TSPAN12: variants seen among roughly 807,000 people sequenced by gnomAD.
TSPAN12 encodes tetraspanin 12.
In TSPAN12, 19 loss-of-function variants were observed where a neutral mutation model predicts 39.2. The observed-to-expected ratio is 0.49, with a 90% CI of 0.34 to 0.71. TSPAN12 has a LOEUF of 0.71. Among genes scored for constraint, TSPAN12 ranks in the 30% least tolerant of loss-of-function variants. TSPAN12 has a pLI of 0.01. For missense variants in TSPAN12, 314 were observed against 359.9 expected (o/e 0.87, Z 1.03); for synonymous variants, 119 against 124.8 (o/e 0.95, Z 0.31).
At chr7:120,812,893 AC>A (rs1441326670) in intron 5 of TSPAN12, among the ~76,000 whole-genome samples, 1 of 152,216 alleles carries the variant, frequency 6.6e-6, no homozygotes, top group Non-Finnish European at 1.5e-5. Flanking sequence ...TACAAAAAAA[AC>A]CAGAAATAAT....
At chr7:120,825,680 T>A (rs915922585) in intron 4 of TSPAN12, among the ~76,000 whole-genome samples, 1 of 152,234 alleles carries the variant, frequency 6.6e-6, no homozygotes, top group African/African-American at 2.4e-5. Flanking sequence ...AATATTATGT[T>A]ACTTACAGTT....
At chr7:120,846,669 A>G (rs1375554108) in intron 2 of TSPAN12, among the ~76,000 whole-genome samples, 2 of 152,236 alleles carry the variant, frequency 1.3e-5, no homozygotes, top group African/African-American at 4.8e-5. Context: ...TGTTAGGGAT[A>G]CACTGATGAA....
intron 4 of TSPAN12, among the ~76,000 whole-genome samples, chr7:120,823,544 C>G (rs1453617757): frequency 6.6e-6 from 1 of 152,012 alleles, no homozygotes; most frequent in Non-Finnish European, 1.5e-5. Context: ...CCAATCTAAC[C>G]AAAATTATGA....
At chr7:120,800,085 GA>G in intron 7 of TSPAN12, among the ~76,000 whole-genome samples, 1 of 151,838 alleles carries the variant, frequency 6.6e-6, no homozygotes, top group African/African-American at 2.4e-5. Context: ...ATATTGCCCA[GA>G]AAAAATAATA....
chr7:120,811,251 C>CA (rs1202015477), intron 5 of TSPAN12, among the ~76,000 whole-genome samples: 2 of 152,132 alleles, frequency 1.3e-5, no homozygotes, highest in African/African-American at 4.8e-5. Context: ...TAGTTATCTA[C>CA]CCAGAGGAAA....
chr7:120,804,918 A>G (rs1342781027), intron 7 of TSPAN12, among the ~76,000 whole-genome samples: 1 of 152,064 alleles, frequency 6.6e-6, no homozygotes, highest in East Asian at 1.9e-4. Flanking sequence ...TTGTCAGCAC[A>G]CCACCAGAAG....
chr7:120,811,465 G>T (rs549236918), intron 5 of TSPAN12, among the ~76,000 whole-genome samples: 2 of 152,068 alleles, frequency 1.3e-5, no homozygotes, highest in East Asian at 3.9e-4. Context: ...TCAGGAGATC[G>T]AGACCATCCT....
chr7:120,834,481 G>T (rs138673419), intron 4 of TSPAN12, among the ~76,000 whole-genome samples: 177 of 152,234 alleles, frequency 1.2e-3, no homozygotes, highest in African/African-American at 4.1e-3. Flanking sequence ...TGGTTATAAA[G>T]ACCTGTTTTG....
intron 1 of TSPAN12, 106 bp from the exon 2 acceptor site, chr7:120,856,939 A>G (rs1450441488): frequency 1.4e-6 from 1 of 692,346 alleles, no homozygotes; most frequent in East Asian, 2.7e-5. Context: ...GAGGGTCCCG[A>G]GGCCCAGTGC....
intron 7 of TSPAN12, among the ~76,000 whole-genome samples, chr7:120,799,546 A>AATTATATATAAT (rs1180544098): frequency 9.6e-6 from 1 of 103,738 alleles, no homozygotes; most frequent in African/African-American, 4.1e-5. Context: ...ATATATAATT[A>AATTATATATAAT]TATATATAAT....
At chr7:120,792,574 CT>C (rs1338255604) in intron 7 of TSPAN12, among the ~76,000 whole-genome samples, 1 of 152,146 alleles carries the variant, frequency 6.6e-6, no homozygotes, top group Non-Finnish European at 1.5e-5. Flanking sequence ...TCTGGCTGAC[CT>C]TGAAGCTCTG....
chr7:120,827,547 A>C (rs1396530328), intron 4 of TSPAN12, among the ~76,000 whole-genome samples: 1 of 152,230 alleles, frequency 6.6e-6, no homozygotes, highest in African/African-American at 2.4e-5. Flanking sequence ...AAGTTGCCAA[A>C]ACATCAGTAA....
At chr7:120,798,864 G>C (rs1455844726) in intron 7 of TSPAN12, among the ~76,000 whole-genome samples, 1 of 151,400 alleles carries the variant, frequency 6.6e-6, no homozygotes, top group Non-Finnish European at 1.5e-5. Flanking sequence ...GTGGCTTACA[G>C]CTACTTATTC....
intron 7 of TSPAN12, among the ~76,000 whole-genome samples, chr7:120,802,105 G>A (rs1009522401): frequency 6.6e-6 from 1 of 152,156 alleles, no homozygotes; most frequent in Non-Finnish European, 1.5e-5. Context: ...CTGATATGAT[G>A]AAAAACTCAG....
At chr7:120,810,627 C>G in intron 5 of TSPAN12, 57 bp from the exon 6 acceptor site, 1 of 608,010 alleles carries the variant, frequency 1.6e-6, no homozygotes, top group East Asian at 4.4e-5. Context: ...CACAGATTCA[C>G]ACACACACAC....
intron 4 of TSPAN12, among the ~76,000 whole-genome samples, chr7:120,838,065 G>T (rs751687998): frequency 2.0e-5 from 3 of 152,134 alleles, no homozygotes; most frequent in Non-Finnish European, 2.9e-5. Context: ...TAATTTTTCA[G>T]CCTTATATGT....
chr7:120,819,599 AT>A (rs1794150976), intron 4 of TSPAN12, among the ~76,000 whole-genome samples: 1 of 152,196 alleles, frequency 6.6e-6, no homozygotes, highest in African/African-American at 2.4e-5. Context: ...AATAAATTAA[AT>A]TTAAAATTTG....
At position 120,799,588 on chromosome 7, in the gene TSPAN12, T is replaced by TTATATATATAATTA. The variant is rs1425317262; in HGVS notation, c.612+6960_612+6961insTAATTATATATATA. ...TAATTATTTATATAATTATATGTAA[T>TTATATATATAATTA]AATATAATTATATATAATTATATAT... On this transcript the variant is annotated intron_variant, in intron 7 of 7. Transcript: ENST00000222747. 2.8e-3 allele frequency among the ~76,000 whole-genome samples: 260 copies of TTATATATATAATTA among 91,550 alleles called. 2 individuals are homozygous for TTATATATATAATTA. The highest frequency in any genetic ancestry group is 0.011 in the African/African-American group (255 of 22,324). The allele number at this position is 91,550 out of a possible 152,430, so 60.1% of individuals were successfully genotyped here.
chr7:120,841,145 T>G (rs1794571853), intron 2 of TSPAN12, among the ~76,000 whole-genome samples: 1 of 152,198 alleles, frequency 6.6e-6, no homozygotes, highest in Admixed American at 6.5e-5. Context: ...CAGACCACAC[T>G]GGTCACTCCT....
Sources: allele counts gnomAD v4.1 joint callset (sites outside exome capture counted in the v4.1 genomes callset), GRCh38; gene constraint gnomAD v4.1.1; transcripts MANE v1.5; gene names NCBI Gene and HGNC (gene_info 2026-07-23, HGNC 2026-07-21).